Variants in CCSER1 observed in about 807,000 individuals in gnomAD.
The protein encoded by CCSER1 is coiled-coil serine rich protein 1.
CCSER1 carries 41 observed loss-of-function variants against 82.0 expected under a neutral mutation model. The observed-to-expected ratio is 0.50, with a 90% CI of 0.39 to 0.65. The LOEUF (loss-of-function observed/expected upper bound fraction) is 0.65, where lower values mean the gene tolerates loss of function less well. Ranked by LOEUF, CCSER1 falls within the 30% of genes least tolerant of loss-of-function variation. CCSER1 has a pLI of 0.00. For missense variants in CCSER1, 1,119 were observed against 1,064.2 expected (o/e 1.05, Z -0.72); for synonymous variants, 414 against 383.9 (o/e 1.08, Z -0.92).
chr4:91,216,797 T>C (rs978656583), intron 10 of CCSER1, among the ~76,000 whole-genome samples: 5 of 152,190 alleles, frequency 3.3e-5, no homozygotes, highest in Admixed American at 6.5e-5. Flanking sequence ...ACTTGTCCAT[T>C]TTACCAATGA....
chr4:91,100,710 A>G (rs995900984), intron 10 of CCSER1, among the ~76,000 whole-genome samples: 1 of 152,204 alleles, frequency 6.6e-6, no homozygotes, highest in Admixed American at 6.5e-5. Flanking sequence ...CTTAAGGACT[A>G]TAGGTTTTGT....
chr4:91,312,232 T>C (rs114178709), intron 10 of CCSER1, among the ~76,000 whole-genome samples: 162 of 151,782 alleles, frequency 1.1e-3, no homozygotes, highest in Admixed American at 2.2e-3. Context: ...ATTACAAGAG[T>C]TATAATATAT....
intron 9 of CCSER1, among the ~76,000 whole-genome samples, chr4:91,016,977 G>C (rs1164138338): frequency 6.6e-6 from 1 of 152,054 alleles, no homozygotes; most frequent in African/African-American, 2.4e-5. Flanking sequence ...ATACAGGAAG[G>C]AATAAAGTTC....
At chr4:91,149,885 T>G (rs944036988) in intron 10 of CCSER1, among the ~76,000 whole-genome samples, 16 of 152,202 alleles carry the variant, frequency 1.1e-4, no homozygotes, top group Non-Finnish European at 1.9e-4. Context: ...ACTGTAGCCT[T>G]GTAGTATAGT....
At chr4:90,798,368 G>A (rs1756323509) in intron 7 of CCSER1, among the ~76,000 whole-genome samples, 1 of 152,014 alleles carries the variant, frequency 6.6e-6, no homozygotes, top group African/African-American at 2.4e-5. Context: ...TTGTCTGTCA[G>A]CACCTGCATT....
At chr4:90,510,113 A>G (rs1005764032) in intron 5 of CCSER1, among the ~76,000 whole-genome samples, 1 of 152,186 alleles carries the variant, frequency 6.6e-6, no homozygotes, top group Admixed American at 6.5e-5. Context: ...TATTGAAAGA[A>G]TTCTTAAAGG....
intron 9 of CCSER1, among the ~76,000 whole-genome samples, chr4:91,043,583 CTTTTTT>C (rs11364315): frequency 3.4e-4 from 24 of 71,598 alleles, no homozygotes; most frequent in African/African-American, 1.0e-3. Context: ...CATCAGCCTT[CTTTTTT>C]TTTTTTTTTT....
At chr4:90,413,511 A>G (rs1361599184) in intron 4 of CCSER1, among the ~76,000 whole-genome samples, 1 of 152,144 alleles carries the variant, frequency 6.6e-6, no homozygotes, top group African/African-American at 2.4e-5. Context: ...TAAGCAAACA[A>G]ATCTGGAGGC....
chr4:91,207,908 A>G (rs1197150147), intron 10 of CCSER1, among the ~76,000 whole-genome samples: 1 of 151,834 alleles, frequency 6.6e-6, no homozygotes, highest in Non-Finnish European at 1.5e-5. Context: ...TTGACTTTTT[A>G]ATAACAGCCG....
At chr4:90,935,223 G>A (rs949797767) in intron 9 of CCSER1, among the ~76,000 whole-genome samples, 1 of 151,974 alleles carries the variant, frequency 6.6e-6, no homozygotes, top group Non-Finnish European at 1.5e-5. Flanking sequence ...AGAATGGGGG[G>A]TGTTTGGATC....
Position 90,309,170 on chromosome 4 carries a change from A to G in CCSER1, c.886A>G (p.Met296Val). The G allele has an allele frequency of 1.2e-6, 2 of 1,613,938 alleles. No homozygotes were observed. Among genetic ancestry groups the G allele is most frequent in the Non-Finnish European group, 1.7e-6 (2 of 1,179,832 alleles). Residue 296 changes from methionine (M) to valine (V), a missense_variant, in exon 2 of 11, where the codon ATG becomes GTG. By Grantham distance (21) the Met-to-Val change is conservative. Coordinates refer to ENST00000509176, the MANE Select transcript of CCSER1 (RefSeq NM_001145065.2). ...NFGHNDSTSQ[M>V]SLNSAAVTKT... The stretch of plus-strand genomic sequence containing the variant: ...TGGCCACAATGATTCTACCTCTCAG[A>G]TGTCCCTCAATTCTGCTGCTGTTAC...
At position 91,605,198 on chromosome 4, in the gene CCSER1, A is replaced by G; in HGVS notation, c.*6141A>G. On this transcript the variant is annotated 3_prime_UTR_variant, in exon 11 of 11. Coordinates refer to ENST00000509176, the MANE Select transcript of CCSER1 (RefSeq NM_001145065.2). ...GATTTTTATTTAATGAAAATTTCTC[A>G]ATTTGGTTAATATTCTAAGAAAAGA... The G allele has an allele frequency of 6.6e-6, 1 of 152,010 alleles. No homozygotes were observed. The highest frequency in any genetic ancestry group is 1.9e-4 in the East Asian group (1 of 5,198). 9.4% of individuals were successfully genotyped at this position (152,010 alleles called of 1,614,324 possible).
intron 5 of CCSER1, among the ~76,000 whole-genome samples, chr4:90,507,484 A>G (rs1434569317): frequency 6.6e-6 from 1 of 152,076 alleles, no homozygotes; most frequent in Non-Finnish European, 1.5e-5. Flanking sequence ...AAAAATTGCT[A>G]CATTCTTTCT....
Position 91,602,057 on chromosome 4 carries a change from A to G in CCSER1, c.*3000A>G, listed in dbSNP as rs1476756100. Reference sequence around the variant, plus strand: ...ATCACAACATGAAACTGTTGCTGCAATGCTAAAGATGTGAATCCACCACTA... The same window carrying G: ...ATCACAACATGAAACTGTTGCTGCAGTGCTAAAGATGTGAATCCACCACTA... On this transcript the variant is annotated 3_prime_UTR_variant, in exon 11 of 11. Coordinates refer to ENST00000509176, the MANE Select transcript of CCSER1 (RefSeq NM_001145065.2). 6.6e-6 allele frequency: 1 copy of G among 152,086 alleles called. No homozygotes were observed. Among genetic ancestry groups the G allele is most frequent in the Non-Finnish European group, 1.5e-5 (1 of 67,956 alleles). 9.4% of individuals were successfully genotyped at this position (152,086 alleles called of 1,614,324 possible).
intron 3 of CCSER1, among the ~76,000 whole-genome samples, chr4:90,389,011 T>G (rs896988261): frequency 2.6e-5 from 4 of 152,196 alleles, no homozygotes; most frequent in Non-Finnish European, 5.9e-5. Flanking sequence ...AAACTTAGAA[T>G]AAAACTTGTA....
At chr4:90,355,357 A>C (rs1208090854) in intron 3 of CCSER1, among the ~76,000 whole-genome samples, 1 of 152,030 alleles carries the variant, frequency 6.6e-6, no homozygotes, top group Non-Finnish European at 1.5e-5. Context: ...TTTTATCAGC[A>C]TTCCTATTAC....
At chr4:90,737,025 C>T (rs144944499) in intron 7 of CCSER1, among the ~76,000 whole-genome samples, 220 of 152,194 alleles carry the variant, frequency 1.4e-3, no homozygotes, top group Admixed American at 6.0e-3. Flanking sequence ...CATCCTCCAA[C>T]TTTTTAACTT....
At chr4:91,153,811 G>T (rs1190146246) in intron 10 of CCSER1, among the ~76,000 whole-genome samples, 1 of 151,986 alleles carries the variant, frequency 6.6e-6, no homozygotes, top group Non-Finnish European at 1.5e-5. Context: ...ACCAGCGGAG[G>T]CTGCAGAACT....
intron 5 of CCSER1, among the ~76,000 whole-genome samples, chr4:90,609,331 G>A (rs147691424): frequency 2.1e-4 from 32 of 152,092 alleles, no homozygotes; most frequent in East Asian, 1.2e-3. Flanking sequence ...GTGAGTTAAC[G>A]CATATAATTA....
Sources: allele counts gnomAD v4.1 joint callset (sites outside exome capture counted in the v4.1 genomes callset), GRCh38; gene constraint gnomAD v4.1.1; transcripts MANE v1.5; gene names NCBI Gene and HGNC (gene_info 2026-07-23, HGNC 2026-07-21).